The following SYT1 variants were observed in gnomAD, a reference collection of about 807,000 sequenced individuals.
SYT1 encodes synaptotagmin-1.
In SYT1, 8 loss-of-function variants were observed where a neutral mutation model predicts 44.8. The observed-to-expected ratio is 0.18, with a 90% CI of 0.10 to 0.32. The LOEUF (loss-of-function observed/expected upper bound fraction) is 0.32, where lower values mean the gene tolerates loss of function less well. Ranked by LOEUF, SYT1 falls within the 10% of genes least tolerant of loss-of-function variation. The pLI is 1.00. For missense variants in SYT1, 286 were observed against 509.3 expected, an observed-to-expected ratio of 0.56 and a Z score of 4.22; for synonymous variants, 154 against 188.8, an observed-to-expected ratio of 0.82 and a Z score of 1.51.
chr12:79,339,624 G>T (rs999014375), intron 8 of SYT1, among the ~76,000 whole-genome samples: 3 of 152,140 alleles, frequency 2.0e-5, no homozygotes, highest in African/African-American at 4.8e-5. Flanking sequence ...AAGGTTACCT[G>T]TTCACTCTGA....
chr12:79,172,994 AAAAAAAAAAAAAG>A lies in SYT1; in HGVS notation c.-17-44508_-17-44496del, dbSNP rs1390810854. Among the ~76,000 whole-genome samples, 251 of 142,002 alleles carry A rather than the reference AAAAAAAAAAAAAG, an allele frequency of 1.8e-3. 5 individuals are homozygous for A. The highest frequency in any genetic ancestry group is 5.8e-3 in the African/African-American group (211 of 36,678). The allele number at this position is 142,002 out of a possible 152,430, so 93.2% of individuals were successfully genotyped here. Reference sequence around the variant, plus strand: ...CAAAAAAAAAAAAAAAAAAAAAAAAAAAAAAAAAAAAAGGGAGTTTGGCCTGTCCAGAAATAAA... The same window carrying A: ...CAAAAAAAAAAAAAAAAAAAAAAAAAGGAGTTTGGCCTGTCCAGAAATAAA... On this transcript the variant is annotated intron_variant, in intron 3 of 10. Transcript: ENST00000261205.
chr12:78,976,028 T>A lies in SYT1; in HGVS notation c.-216-1771T>A, dbSNP rs115730146. ...CACAGCAAACAAACAGTGTTGGTGA[T>A]GTTTTCTGTGTTTTTTAGAGTGAGA... On this transcript the variant is annotated intron_variant, in intron 1 of 10. Transcript: ENST00000261205. Among the ~76,000 whole-genome samples, 182 of 152,340 alleles carry A rather than the reference T, an allele frequency of 1.2e-3. 1 individual carries two copies. Among genetic ancestry groups the A allele is most frequent in the African/African-American group, 4.4e-3 (181 of 41,582 alleles).
intron 3 of SYT1, among the ~76,000 whole-genome samples, chr12:79,133,596 C>G (rs142970703): frequency 6.6e-5 from 10 of 152,196 alleles, no homozygotes; most frequent in African/African-American, 2.2e-4. Flanking sequence ...ATTGCTACCT[C>G]TAATGATGAG....
intron 3 of SYT1, among the ~76,000 whole-genome samples, chr12:79,145,870 G>C (rs1592790105): frequency 6.6e-6 from 1 of 151,044 alleles, no homozygotes. Context: ...CCATTCTCCT[G>C]CCTCAGCCTC....
chr12:79,412,411 A>T (rs977928179), intron 9 of SYT1, among the ~76,000 whole-genome samples: 8 of 152,092 alleles, frequency 5.3e-5, no homozygotes, highest in Admixed American at 1.3e-4. Context: ...AACTCCTGAG[A>T]TCTTATCAGG....
intron 3 of SYT1, among the ~76,000 whole-genome samples, chr12:79,052,208 C>A (rs1235663557): frequency 1.3e-5 from 2 of 151,996 alleles, no homozygotes; most frequent in East Asian, 3.9e-4. Flanking sequence ...TTTCATTGAG[C>A]AGTGGTTTGT....
At chr12:79,121,880 A>T (rs1170276862) in intron 3 of SYT1, among the ~76,000 whole-genome samples, 1 of 152,232 alleles carries the variant, frequency 6.6e-6, no homozygotes, top group Non-Finnish European at 1.5e-5. Context: ...GATGTAATTC[A>T]ATTTGACTAG....
chr12:79,443,940 A>G, intron 9 of SYT1, 133 bp from the exon 10 acceptor site: 1 of 946,910 alleles, frequency 1.1e-6, no homozygotes, highest in Non-Finnish European at 1.5e-6. Flanking sequence ...ATAAAAAAGT[A>G]TTGAATTTAA....
Position 79,111,318 on chromosome 12 carries a change from C to T in SYT1, c.-18+63956C>T, listed in dbSNP as rs188739041. Among the ~76,000 whole-genome samples the T allele has an allele frequency of 6.5e-4, 99 of 152,082 alleles. 1 individual carries two copies. Among genetic ancestry groups the T allele is most frequent in the African/African-American group, 2.0e-3 (84 of 41,524 alleles). Reference sequence around the variant, plus strand: ...TCTAGAATTTCCCACCAGTTTTTCTCCTGCCTTACGTAGCCTTTCAAATAC... The same window carrying T: ...TCTAGAATTTCCCACCAGTTTTTCTTCTGCCTTACGTAGCCTTTCAAATAC... On this transcript the variant is annotated intron_variant, in intron 3 of 10. Transcript: ENST00000261205.
At chr12:79,019,351 G>C (rs923675854) in intron 2 of SYT1, among the ~76,000 whole-genome samples, 1 of 151,936 alleles carries the variant, frequency 6.6e-6, no homozygotes, top group Non-Finnish European at 1.5e-5. Context: ...GCCAAATTAA[G>C]TTACTCATGA....
chr12:79,366,597 T>C (rs1051792393), intron 9 of SYT1, among the ~76,000 whole-genome samples: 5 of 152,192 alleles, frequency 3.3e-5, no homozygotes, highest in Admixed American at 2.0e-4. Flanking sequence ...GGCCCTCTCC[T>C]GAGAGACAGC....
chr12:78,890,249 T>C (rs1874976735), intron 1 of SYT1, among the ~76,000 whole-genome samples: 1 of 151,980 alleles, frequency 6.6e-6, no homozygotes, highest in African/African-American at 2.4e-5. Flanking sequence ...AAATTGATAG[T>C]GTTGTCTCTG....
chr12:79,008,326 G>A (rs1019587990), intron 2 of SYT1, among the ~76,000 whole-genome samples: 2 of 152,098 alleles, frequency 1.3e-5, no homozygotes, highest in African/African-American at 4.8e-5. Context: ...TTAGTAAAAA[G>A]AAGAAGAGAG....
Position 78,929,823 on chromosome 12 carries a change from T to C in SYT1, c.-216-47976T>C, listed in dbSNP as rs572894527. ...CAAATAGCAAGATACGTCTTCTGGT[T>C]TTGTATGTATGATTTTATACTGACT... On this transcript the variant is annotated intron_variant, in intron 1 of 10. Coordinates refer to ENST00000261205, the MANE Select transcript of SYT1 (RefSeq NM_005639.3). 2.6e-5 allele frequency among the ~76,000 whole-genome samples: 4 copies of C among 152,322 alleles called. No homozygotes were observed. The South Asian group carries it at 8.3e-4, about 32-fold the overall frequency.
chr12:79,168,925 C>T (rs1030871401), intron 3 of SYT1, among the ~76,000 whole-genome samples: 3 of 151,908 alleles, frequency 2.0e-5, no homozygotes, highest in East Asian at 1.9e-4. Context: ...TTTAAGTTTT[C>T]GACATTCTTT....
chr12:78,865,393 C>T (rs917247433), intron 1 of SYT1, among the ~76,000 whole-genome samples: 5 of 152,132 alleles, frequency 3.3e-5, no homozygotes, highest in African/African-American at 4.8e-5. Flanking sequence ...CCGTCCCCCA[C>T]CCCCAATCTC....
chr12:78,900,973 T>C (rs1166745241), intron 1 of SYT1, among the ~76,000 whole-genome samples: 1 of 152,150 alleles, frequency 6.6e-6, no homozygotes, highest in East Asian at 1.9e-4. Context: ...TCCTTTTACA[T>C]GAATGCATTT....
chr12:79,382,456 T>C (rs757215229), intron 9 of SYT1, among the ~76,000 whole-genome samples: 1 of 152,072 alleles, frequency 6.6e-6, no homozygotes, highest in Non-Finnish European at 1.5e-5. Flanking sequence ...CGTAACCTAA[T>C]TGAGTTTGCC....
At chr12:78,962,332 C>CTTTTTTTTTT (rs35875550) in intron 1 of SYT1, among the ~76,000 whole-genome samples, 1 of 130,134 alleles carries the variant, frequency 7.7e-6, no homozygotes, top group Non-Finnish European at 1.6e-5. Context: ...AGCATTCTTT[C>CTTTTTTTTTT]TTTTTTTTTT....
Sources: allele counts gnomAD v4.1 joint callset (sites outside exome capture counted in the v4.1 genomes callset), GRCh38; gene constraint gnomAD v4.1.1; transcripts MANE v1.5; gene names NCBI Gene and HGNC (gene_info 2026-07-23, HGNC 2026-07-21).